Variants in RHBDF1 observed in about 807,000 individuals in gnomAD.
RHBDF1 encodes rhomboid 5 homolog 1.
A neutral mutation model predicts 98.6 loss-of-function variants in RHBDF1; 80 were observed. The observed-to-expected ratio is 0.81, with a 90% confidence interval of 0.68 to 0.98. The LOEUF is 0.98. RHBDF1 is among the 50% of genes least tolerant of loss of function. The pLI is 0.00. For synonymous variants in RHBDF1, 512 were observed against 486.8 expected (o/e 1.05, Z -0.68); for missense variants, 1,116 against 1,198.3 (o/e 0.93, Z 1.01).
intron 13 of RHBDF1, 52 bp downstream of exon 13, chr16:60,164 C>G (rs1897553590): frequency 7.4e-6 from 12 of 1,612,070 alleles, no homozygotes; most frequent in South Asian, 5.5e-5. Flanking sequence ...GTGTGGCATT[C>G]TCTCCCACAT....
chr16:61,434 T>C lies in RHBDF1; in HGVS notation c.1346A>G (p.Glu449Gly). The change falls in exon 10 of 18, where the codon GAG (glutamate) becomes GGG (glycine). Residue 449 changes from glutamate to glycine, a missense_variant. Coordinates refer to ENST00000262316, the MANE Select transcript of RHBDF1 (RefSeq NM_022450.5). ...DSVLRNRGVY[E>G]NVKYVQQENF... ...CTCCTGCTGCACGTACTTGACGTTC[T>C]CGTAGACCCCGCGGTTCCGCAGCAC... The C allele has an allele frequency of 6.2e-7, 1 of 1,612,456 alleles. No homozygotes were observed. Among genetic ancestry groups the C allele is most frequent in the South Asian group, 1.1e-5 (1 of 91,064 alleles).
chr16:65,672 C>T (rs1211988313), intron 1 of RHBDF1, among the ~76,000 whole-genome samples: 1 of 152,196 alleles, frequency 6.6e-6, no homozygotes, highest in Non-Finnish European at 1.5e-5. Flanking sequence ...ACTTCCACTC[C>T]AGGGACAAAG....
In RHBDF1 at chr16:59,824, G is replaced by C; in HGVS notation, c.1725C>G (p.Ile575Met). 1 of 1,614,150 alleles carries C rather than the reference G, an allele frequency of 6.2e-7. No homozygotes were observed. The highest frequency in any genetic ancestry group is 8.5e-7 in the Non-Finnish European group (1 of 1,180,020). ...GGTTCCCAGCGCTGTTTTTGGTGCAGATCTGGGTCACAAATGAGGACGAGC... is the reference window on the plus strand; with the variant it reads ...GGTTCCCAGCGCTGTTTTTGGTGCACATCTGGGTCACAAATGAGGACGAGC... ...EWPEDITKWP[I>M]CTKNSAGNHT... is the part of the protein sequence containing the mutation. The change falls in exon 14 of 18, where the codon ATC becomes ATG. Residue 575 changes from isoleucine to methionine, a missense_variant and splice_region_variant. Transcript: ENST00000262316.
In RHBDF1 at chr16:61,282, C is replaced by T. The variant is rs1317059437; in HGVS notation, c.1396-1G>A. The T allele has an allele frequency of 1.9e-6, 3 of 1,543,614 alleles. 1 individual carries two copies. Among genetic ancestry groups the T allele is most frequent in the Non-Finnish European group, 2.6e-6 (3 of 1,143,606 alleles). ...TGGCGCCCAGGTGGATGAGGGCCTC[C>T]TGCGGGCGAGGGAGACGAGCGGCCG... On this transcript the variant is annotated splice_acceptor_variant, in intron 10 of 17. Transcript: ENST00000262316. LOFTEE classifies it high-confidence loss of function.
chr16:65,107 C>T (rs574897732), intron 1 of RHBDF1, 68 bp from the exon 2 acceptor site: 25 of 1,458,478 alleles, frequency 1.7e-5, no homozygotes, highest in African/African-American at 4.2e-5. Context: ...CACCCAGACC[C>T]GGGAGGAGGG....
upstream of RHBDF1, among the ~76,000 whole-genome samples, chr16:76,019 A>AC (rs1458360284): frequency 2.6e-5 from 4 of 151,842 alleles, no homozygotes; most frequent in South Asian, 2.1e-4. Flanking sequence ...TGATGGCCAC[A>AC]CCTCCTACAG....
chr16:66,973 C>T (rs1440572554), intron 1 of RHBDF1, among the ~76,000 whole-genome samples: 1 of 152,234 alleles, frequency 6.6e-6, no homozygotes, highest in African/African-American at 2.4e-5. Context: ...TGACTCGTGA[C>T]CCAAACCCAG....
chr16:64,545 G>C, intron 3 of RHBDF1, 154 bp downstream of exon 3: 1 of 1,547,026 alleles, frequency 6.5e-7, no homozygotes. Flanking sequence ...TCAGTATCCA[G>C]AACAGGAGGA....
intron 8 of RHBDF1, 43 bp downstream of exon 8, chr16:61,755 C>T: frequency 6.2e-7 from 1 of 1,612,120 alleles, no homozygotes; most frequent in African/African-American, 1.3e-5. Context: ...CACCCTCCCC[C>T]GGGAGCCTCC....
chr16:73,095 G>A (rs906198806), upstream of RHBDF1, among the ~76,000 whole-genome samples: 2 of 152,146 alleles, frequency 1.3e-5, no homozygotes, highest in African/African-American at 4.8e-5. Context: ...ACACATTCAT[G>A]TGCACCGATC....
upstream of RHBDF1, chr16:73,861 G>C: frequency 4.6e-6 from 4 of 877,938 alleles, no homozygotes; most frequent in Non-Finnish European, 4.1e-6. Flanking sequence ...ACAATGGCCT[G>C]CTCCTTGGCT....
At position 63,120 on chromosome 16, in the gene RHBDF1, C is replaced by G; in HGVS notation, c.525G>C (p.Leu175=). Residue 175 remains leucine, a synonymous_variant, in exon 5 of 18, where the codon CTG becomes CTC. Coordinates refer to ENST00000262316, the MANE Select transcript of RHBDF1 (RefSeq NM_022450.5). ...GCGTGACGGGAGTGTGTGGGGCACT[C>G]AGGCCTTCCGCAGTGTCATCTGCCA... ...FRVADDTAEG[L]SAPHTPVTPG... The G allele has an allele frequency of 6.2e-7, 1 of 1,603,268 alleles. No individual in the cohort carries two copies. Among genetic ancestry groups the G allele is most frequent in the African/African-American group, 1.3e-5 (1 of 75,000 alleles).
chr16:63,884 T>TTC, intron 3 of RHBDF1, 84 bp from the exon 4 acceptor site: 1 of 686,100 alleles, frequency 1.5e-6, no homozygotes, highest in South Asian at 2.0e-5. Flanking sequence ...CGGGGCAGCA[T>TTC]GCTGCCCCCA....
In RHBDF1 at chr16:58,773, G is replaced by A. The variant is rs779211490; in HGVS notation, c.2149-14C>T. ...AGCAGGACCCACCTGGGGGATGGTT[G>A]GGGTAGCTGTAAGGCAGTGGGGCTG... On this transcript the variant is annotated splice_polypyrimidine_tract_variant and intron_variant, in intron 17 of 17. Coordinates refer to ENST00000262316, the MANE Select transcript of RHBDF1 (RefSeq NM_022450.5). The A allele has an allele frequency of 1.9e-6, 3 of 1,610,084 alleles. No homozygotes were observed. The highest frequency in any genetic ancestry group is 2.5e-6 in the Non-Finnish European group (3 of 1,178,426).
chr16:64,943 G>C lies in RHBDF1; in HGVS notation c.73C>G (p.Pro25Ala). 1.9e-6 allele frequency: 3 copies of C among 1,591,622 alleles called. No homozygotes were observed. The highest frequency in any genetic ancestry group is 1.7e-6 in the Non-Finnish European group (2 of 1,165,918). Residue 25 changes from proline to alanine, a missense_variant, in exon 2 of 18, where the codon CCC (proline) becomes GCC (alanine). Transcript: ENST00000262316. ...TCTGCCGTCAGGGGCACCGCAGAGG[G>C]AATGTCCAGCTTTAGCCAGGGTGGC... The part of the protein sequence containing the change: ...KKPPWLKLDI[P>A]SAVPLTAEEP...
At chr16:61,311 T>G (rs1372189418) in intron 10 of RHBDF1, 30 bp from the exon 11 acceptor site, 1 of 1,542,702 alleles carries the variant, frequency 6.5e-7, no homozygotes, top group Admixed American at 2.0e-5. Context: ...GCGGCCGCAG[T>G]CCGGGGCCTC....
In RHBDF1 at chr16:61,956, C is replaced by T. The variant is rs77201493; in HGVS notation, c.1050G>A (p.Pro350=). Residue 350 remains proline, a synonymous_variant, in exon 8 of 18, where the codon CCG becomes CCA. Transcript: ENST00000262316. ...LRQEVVSTAG[P]RRGQRIAVPV... The stretch of plus-strand genomic sequence containing the variant: ...GCACCGCGATACGCTGGCCCCGTCG[C>T]GGCCCCGCGGTGCTCACCACCTCCT... The T allele has an allele frequency of 3.3e-3, 5,252 of 1,594,178 alleles. 161 individuals carry two copies. The African/African-American group carries it at 0.063, about 19-fold the overall frequency.
chr16:63,821 C>T (rs775215572), intron 3 of RHBDF1, 21 bp from the exon 4 acceptor site: 1 of 1,606,848 alleles, frequency 6.2e-7, no homozygotes. Flanking sequence ...AGGGACTCAG[C>T]AAGGGGCGGC....
At chr16:64,625 A>T in intron 3 of RHBDF1, 74 bp downstream of exon 3, 1 of 1,551,518 alleles carries the variant, frequency 6.4e-7, no homozygotes, top group Non-Finnish European at 8.7e-7. Flanking sequence ...TCTCATTTCC[A>T]TCCTCTGTGT....
Sources: gnomAD v4.1 joint callset for allele counts (sites outside exome capture counted in the v4.1 genomes callset) on GRCh38, gnomAD v4.1.1 for gene constraint, MANE v1.5 for transcripts, NCBI Gene and HGNC (gene_info 2026-07-23, HGNC 2026-07-21) for gene names.